The following CCDC178 variants were observed in gnomAD, a reference collection of about 807,000 sequenced individuals.
CCDC178 encodes coiled-coil domain-containing protein 178.
Under a neutral mutation model 117.4 loss-of-function variants are expected in CCDC178, and 126 were observed. The observed-to-expected ratio is 1.07, with a 90% CI of 0.93 to 1.24. CCDC178 has a LOEUF of 1.24. Among genes scored for constraint, CCDC178 ranks in the 50% most tolerant of loss-of-function variants. The pLI, the probability that CCDC178 is intolerant of heterozygous loss-of-function variation, is 0.00. For synonymous variants in CCDC178, 283 were observed against 313.4 expected (o/e 0.90, Z 1.02); for missense variants, 1,030 against 986.9 (o/e 1.04, Z -0.59).
chr18:33,283,827 C>A (rs766984277), intron 12 of CCDC178, among the ~76,000 whole-genome samples: 3 of 152,182 alleles, frequency 2.0e-5, no homozygotes, highest in African/African-American at 7.2e-5. Context: ...ATTAGTTCAT[C>A]GTTGTGGATT....
intron 2 of CCDC178, among the ~76,000 whole-genome samples, chr18:33,433,978 A>C (rs1319899856): frequency 1.3e-5 from 2 of 152,186 alleles, no homozygotes. Context: ...ACTATGACTA[A>C]GCAAAGATCT....
At chr18:33,413,560 A>C (rs74888851) in intron 2 of CCDC178, among the ~76,000 whole-genome samples, 17,738 of 152,186 alleles carry the variant, frequency 0.12, 1,212 homozygotes, top group East Asian at 0.19. Context: ...GCTATTAAAA[A>C]ATCTGGTTGA....
At position 33,215,559 on chromosome 18, in the gene CCDC178, T is replaced by C; in HGVS notation, c.2069A>G (p.Glu690Gly). Residue 690 changes from glutamate (E) to glycine (G), a missense_variant, in exon 19 of 23, where the codon GAA becomes GGA. Coordinates refer to ENST00000383096, the MANE Select transcript of CCDC178 (RefSeq NM_001105528.4). Reference sequence around the variant, plus strand: ...AAGTTTAAGTACTTACTTTAATATTTCAAGTGTCTGATCAAAACTTTTCTT... The same window carrying C: ...AAGTTTAAGTACTTACTTTAATATTCCAAGTGTCTGATCAAAACTTTTCTT... ...EEKKSFDQTLEILKNKFITMR... is the reference protein window; with the variant it reads ...EEKKSFDQTLGILKNKFITMR... 7.1e-7 allele frequency: 1 copy of C among 1,407,824 alleles called. No individual in the cohort carries two copies. The highest frequency in any genetic ancestry group is 2.6e-5 in the East Asian group (1 of 37,966). 87.2% of individuals were successfully genotyped at this position (1,407,824 alleles called of 1,614,324 possible).
At chr18:33,189,655 G>A (rs1379469038) in intron 20 of CCDC178, among the ~76,000 whole-genome samples, 2 of 152,144 alleles carry the variant, frequency 1.3e-5, no homozygotes, top group Admixed American at 6.6e-5. Flanking sequence ...GTTTGAACAT[G>A]AGAATCAGAA....
At chr18:32,972,802 T>A (rs1013513060) in intron 22 of CCDC178, among the ~76,000 whole-genome samples, 1 of 152,088 alleles carries the variant, frequency 6.6e-6, no homozygotes, top group Non-Finnish European at 1.5e-5. Context: ...GTTGTAGACT[T>A]GATTTTTTTC....
intron 21 of CCDC178, among the ~76,000 whole-genome samples, chr18:33,020,805 A>G (rs2056101537): frequency 6.6e-6 from 1 of 152,132 alleles, no homozygotes; most frequent in South Asian, 2.1e-4. Context: ...TGTCTAAGTT[A>G]ATTCACGTAA....
chr18:33,152,021 A>G (rs987934309), intron 20 of CCDC178, among the ~76,000 whole-genome samples: 2 of 152,204 alleles, frequency 1.3e-5, no homozygotes, highest in African/African-American at 4.8e-5. Context: ...TGAACTATCC[A>G]CCCAGCATTC....
intron 12 of CCDC178, among the ~76,000 whole-genome samples, chr18:33,291,810 T>C (rs1198648139): frequency 6.6e-6 from 1 of 152,024 alleles, no homozygotes; most frequent in African/African-American, 2.4e-5. Context: ...GGCTGACAGG[T>C]GCCAAGGAAA....
chr18:33,225,019 ATTTGT>A (rs2059285985), intron 16 of CCDC178, 83 bp from the exon 17 acceptor site: 2 of 957,918 alleles, frequency 2.1e-6, no homozygotes, highest in African/African-American at 1.7e-5. Context: ...AGGCAGTAAT[ATTTGT>A]TTTTATTTGA....
At chr18:33,260,182 G>C (rs2144743123) in intron 14 of CCDC178, among the ~76,000 whole-genome samples, 1 of 152,078 alleles carries the variant, frequency 6.6e-6, no homozygotes, top group East Asian at 1.9e-4. Context: ...AGATCATATA[G>C]TATATACAGC....
At chr18:33,180,525 A>G in intron 20 of CCDC178, among the ~76,000 whole-genome samples, 1 of 152,110 alleles carries the variant, frequency 6.6e-6, no homozygotes, top group South Asian at 2.1e-4. Flanking sequence ...TAGACTTAGA[A>G]TAAAAATTAC....
At chr18:33,364,483 A>G (rs1321367045) in intron 6 of CCDC178, among the ~76,000 whole-genome samples, 1 of 152,032 alleles carries the variant, frequency 6.6e-6, no homozygotes, top group African/African-American at 2.4e-5. Flanking sequence ...GAATTTTAAA[A>G]TGTTCTTAAA....
At chr18:33,242,666 A>G (rs79102831) in intron 15 of CCDC178, among the ~76,000 whole-genome samples, 1 of 151,978 alleles carries the variant, frequency 6.6e-6, no homozygotes. Flanking sequence ...AAAGTTCAAC[A>G]TTACTAATTA....
At chr18:33,292,678 C>T (rs1181653543) in intron 12 of CCDC178, among the ~76,000 whole-genome samples, 1 of 151,944 alleles carries the variant, frequency 6.6e-6, no homozygotes, top group Non-Finnish European at 1.5e-5. Context: ...ACACTAGACC[C>T]CTTATAAAAA....
At chr18:33,367,112 T>G (rs2063219713) in intron 6 of CCDC178, among the ~76,000 whole-genome samples, 1 of 152,066 alleles carries the variant, frequency 6.6e-6, no homozygotes, top group Non-Finnish European at 1.5e-5. Context: ...TCTCCATTTG[T>G]AATTTTTGTG....
intron 3 of CCDC178, among the ~76,000 whole-genome samples, chr18:33,403,493 A>G (rs2063737776): frequency 6.6e-6 from 1 of 152,128 alleles, no homozygotes; most frequent in African/African-American, 2.4e-5. Context: ...GACATCCAAA[A>G]AAAAAAAAAA....
chr18:33,108,230 T>A (rs2057734145), intron 20 of CCDC178, among the ~76,000 whole-genome samples: 1 of 151,706 alleles, frequency 6.6e-6, no homozygotes, highest in Non-Finnish European at 1.5e-5. Context: ...AACATATCTA[T>A]GTCATTATTG....
intron 12 of CCDC178, among the ~76,000 whole-genome samples, chr18:33,271,911 G>C (rs376217602): frequency 6.6e-6 from 1 of 151,512 alleles, no homozygotes; most frequent in Non-Finnish European, 1.5e-5. Context: ...GATGAAGTTA[G>C]AGCAGTGCTT....
At chr18:33,036,265 A>G (rs2056442759) in intron 21 of CCDC178, among the ~76,000 whole-genome samples, 1 of 151,904 alleles carries the variant, frequency 6.6e-6, no homozygotes, top group Non-Finnish European at 1.5e-5. Flanking sequence ...TTCGTTTAAA[A>G]GTACTCACAA....
Sources: allele counts gnomAD v4.1 joint callset (sites outside exome capture counted in the v4.1 genomes callset), GRCh38; gene constraint gnomAD v4.1.1; transcripts MANE v1.5; gene names NCBI Gene and HGNC (gene_info 2026-07-23, HGNC 2026-07-21).